The following TLCD4 variants were observed in gnomAD, a reference collection of about 807,000 sequenced individuals.
The protein encoded by TLCD4 is TLC domain containing 4.
In TLCD4, 7 loss-of-function variants were observed where a neutral mutation model predicts 24.2. The observed-to-expected ratio is 0.29, with a 90% CI of 0.16 to 0.54. The LOEUF (loss-of-function observed/expected upper bound fraction) is 0.54, where lower values mean the gene tolerates loss of function less well. Among genes scored for constraint, TLCD4 ranks in the 20% least tolerant of loss-of-function variants. The pLI is 0.95. For synonymous variants in TLCD4, 103 were observed against 106.4 expected (o/e 0.97, Z 0.20); for missense variants, 259 against 313.9 (o/e 0.82, Z 1.32).
chr1:95,121,599 T>C (rs935556716), intron 1 of TLCD4, among the ~76,000 whole-genome samples: 1 of 152,152 alleles, frequency 6.6e-6, no homozygotes, highest in Non-Finnish European at 1.5e-5. Flanking sequence ...GCCTCCCAGG[T>C]AGCTGGGATT....
rs139186860 is a variant in TLCD4 at position 95,191,682 on chromosome 1, G to T, written c.606G>T (p.Val202=). The change falls in exon 7 of 7, where the codon GTG becomes GTT. Residue 202 remains valine, a synonymous_variant. Transcript: ENST00000370203. ...CTCATTATGGCTTCATGTATTCCGT[G>T]TATGGAACAGAACCCTACATAAGGC... ...MLPHYGFMYS[V]YGTEPYIRLG... 1.6e-4 allele frequency: 256 copies of T among 1,614,016 alleles called. No homozygotes were observed. Among genetic ancestry groups the T allele is most frequent in the Non-Finnish European group, 2.1e-4 (244 of 1,180,028 alleles).
chr1:95,100,961 G>A, the TLCD4 span, among the ~76,000 whole-genome samples: 1 of 150,296 alleles, frequency 6.7e-6, no homozygotes, highest in Non-Finnish European at 1.5e-5. Flanking sequence ...AGGCTAGAGT[G>A]CAGTGGCGCA....
intron 6 of TLCD4, among the ~76,000 whole-genome samples, chr1:95,186,415 G>A (rs1014405247): frequency 6.6e-6 from 1 of 152,240 alleles, no homozygotes; most frequent in Non-Finnish European, 1.5e-5. Flanking sequence ...AGAGAACGGA[G>A]GGTGCTGATG....
At chr1:95,161,751 C>T (rs867505886) in intron 5 of TLCD4, among the ~76,000 whole-genome samples, 12 of 152,238 alleles carry the variant, frequency 7.9e-5, no homozygotes, top group South Asian at 2.1e-4. Flanking sequence ...GCCTTCATTT[C>T]GTTATGTACC....
rs1175925715 is a variant in TLCD4, at chr1:95,127,453, A to T, written c.-12+9836A>T. On this transcript the variant is annotated intron_variant, in intron 1 of 6. Coordinates refer to ENST00000370203, the MANE Select transcript of TLCD4 (RefSeq NM_152487.3). ...TAGGTAGCTTGGCGGTGACTGAGTG[A>T]TCCCTTTAAAAAAAGAACAAAATAT... 2.0e-5 allele frequency among the ~76,000 whole-genome samples: 3 copies of T among 152,146 alleles called. 1 individual carries two copies. Among genetic ancestry groups the T allele is most frequent in the Non-Finnish European group, 4.4e-5 (3 of 68,032 alleles).
At chr1:95,142,692 C>T (rs976725226) in intron 1 of TLCD4, among the ~76,000 whole-genome samples, 11 of 152,136 alleles carry the variant, frequency 7.2e-5, no homozygotes, top group African/African-American at 2.2e-4. Flanking sequence ...TGCCTCACGC[C>T]TGTAATCCCA....
chr1:95,098,403 C>T, the TLCD4 span, among the ~76,000 whole-genome samples: 7 of 152,248 alleles, frequency 4.6e-5, no homozygotes, highest in South Asian at 1.5e-3. Flanking sequence ...TTTTCATAAT[C>T]CTTGACCACT....
intron 5 of TLCD4, among the ~76,000 whole-genome samples, chr1:95,172,138 CTG>C (rs1174700365): frequency 6.6e-6 from 1 of 152,208 alleles, no homozygotes; most frequent in Non-Finnish European, 1.5e-5. Context: ...GCTTCCGTAA[CTG>C]TGAGACAATA....
intron 4 of TLCD4, 99 bp from the exon 5 acceptor site, chr1:95,151,226 T>C: frequency 8.5e-7 from 1 of 1,178,066 alleles, no homozygotes; most frequent in Non-Finnish European, 1.2e-6. Context: ...GGGCTCAGAG[T>C]GGACAGTGAT....
intron 6 of TLCD4, 185 bp downstream of exon 6, chr1:95,174,074 C>A: frequency 1.2e-6 from 1 of 815,786 alleles, no homozygotes; most frequent in Non-Finnish European, 1.9e-6. Flanking sequence ...ACCCAAGTTT[C>A]CCTAGCTAGC....
chr1:95,144,283 G>A (rs184277437), intron 2 of TLCD4, among the ~76,000 whole-genome samples: 5 of 152,214 alleles, frequency 3.3e-5, no homozygotes, highest in African/African-American at 7.2e-5. Flanking sequence ...CTGAGGAAGT[G>A]TGTGAAGATG....
intron 5 of TLCD4, among the ~76,000 whole-genome samples, chr1:95,162,267 G>A (rs984955195): frequency 1.3e-5 from 2 of 151,804 alleles, no homozygotes; most frequent in Admixed American, 1.3e-4. Context: ...GGCCTTCTTT[G>A]TCTCTTTTGA....
At chr1:95,187,000 GAT>G (rs1441759139) in intron 6 of TLCD4, among the ~76,000 whole-genome samples, 1 of 152,116 alleles carries the variant, frequency 6.6e-6, no homozygotes, top group Non-Finnish European at 1.5e-5. Context: ...AAGATACACA[GAT>G]ATGTTTTACT....
chr1:95,118,811 A>G (rs932245359), intron 1 of TLCD4, among the ~76,000 whole-genome samples: 1 of 152,226 alleles, frequency 6.6e-6, no homozygotes, highest in East Asian at 1.9e-4. Context: ...GCGAAACGAA[A>G]TTAGAAAAGT....
intron 1 of TLCD4, among the ~76,000 whole-genome samples, chr1:95,130,585 T>C (rs1676864382): frequency 6.6e-6 from 1 of 152,230 alleles, no homozygotes; most frequent in Non-Finnish European, 1.5e-5. Context: ...TAGGATGGTA[T>C]GCCTTTTTTG....
rs147350848 is a variant in TLCD4 at position 95,128,667 on chromosome 1, A to G, written c.-12+11050A>G. The stretch of plus-strand genomic sequence containing the variant: ...GGACTCTCGGTTGTTTGAAAAATCT[A>G]TATCAACAGAACTCTTTTGCTCCCG... On this transcript the variant is annotated intron_variant, in intron 1 of 6. Transcript: ENST00000370203. Among the ~76,000 whole-genome samples the G allele has an allele frequency of 4.9e-4, 74 of 152,310 alleles. 1 individual carries two copies. The East Asian group carries it at 0.014, about 28-fold the overall frequency.
upstream of TLCD4, among the ~76,000 whole-genome samples, chr1:95,115,791 C>T (rs1178393426): frequency 6.6e-6 from 1 of 152,154 alleles, no homozygotes; most frequent in Non-Finnish European, 1.5e-5. Flanking sequence ...GAGCTACTAT[C>T]AGCCACCAGA....
At position 95,143,985 on chromosome 1, in the gene TLCD4, C is replaced by T; in HGVS notation, c.84C>T (p.Tyr28=). 6.4e-7 allele frequency: 1 copy of T among 1,574,704 alleles called. No individual in the cohort carries two copies. The highest frequency in any genetic ancestry group is 8.6e-7 in the Non-Finnish European group (1 of 1,161,336). The part of the protein sequence containing the change: ...TFQLLFYFVS[Y]WFSAKVSPGF... ...AGCTTCTTTTCTACTTTGTAAGTTACTGGTTTTCAGCAAAAGTTTCTCCAG... is the reference window on the plus strand; with the variant it reads ...AGCTTCTTTTCTACTTTGTAAGTTATTGGTTTTCAGCAAAAGTTTCTCCAG... Residue 28 remains tyrosine (Y), a synonymous_variant, in exon 2 of 7, where the codon TAC becomes TAT. Transcript: ENST00000370203.
rs368530788 is a variant in TLCD4 at position 95,148,681 on chromosome 1, G to A, written c.156-21G>A. 136 of 1,611,688 alleles carry A rather than the reference G, an allele frequency of 8.4e-5. No homozygotes were observed. The African/African-American group carries it at 1.6e-3, about 19-fold the overall frequency. ...ATTGCAAAGAATCTAAAATCTTTGT[G>A]TGTATTTTGTTTAATTTCAGGGTAG... On this transcript the variant is annotated intron_variant, in intron 2 of 6. Transcript: ENST00000370203.
Sources: gnomAD v4.1 joint callset for allele counts (sites outside exome capture counted in the v4.1 genomes callset) on GRCh38, gnomAD v4.1.1 for gene constraint, MANE v1.5 for transcripts, NCBI Gene and HGNC (gene_info 2026-07-23, HGNC 2026-07-21) for gene names.